CAMK1: variants seen among roughly 807,000 people sequenced by gnomAD.
CAMK1 encodes calcium/calmodulin-dependent protein kinase type 1.
A neutral mutation model predicts 49.1 loss-of-function variants in CAMK1; 39 were observed. The observed-to-expected ratio is 0.79, with a 90% CI of 0.62 to 1.04. The LOEUF (loss-of-function observed/expected upper bound fraction) is 1.04. Among genes scored for constraint, CAMK1 ranks in the 50% least tolerant of loss-of-function variants. The probability of loss-of-function intolerance (pLI) is 0.00; values close to 1 mark genes in which losing one functional copy is unlikely to be tolerated. For synonymous variants in CAMK1, 192 were observed against 185.2 expected (o/e 1.04, Z -0.30); for missense variants, 457 against 472.2 (o/e 0.97, Z 0.30).
chr3:9,759,052 C>T, intron 10 of CAMK1: 1 of 779,236 alleles, frequency 1.3e-6, no homozygotes, highest in Non-Finnish European at 2.3e-6. Flanking sequence ...GGCCCCTTAC[C>T]TGCTTCTCTA....
At chr3:9,758,953 A>C (rs562578215) in intron 10 of CAMK1, 1 of 504,834 alleles carries the variant, frequency 2.0e-6, no homozygotes, top group Admixed American at 3.2e-5. Flanking sequence ...CTATGCAGCA[A>C]ATACTTGCCT....
At chr3:9,767,855 C>G (rs1023639748) in intron 1 of CAMK1, 74 bp from the exon 2 acceptor site, 6 of 1,518,770 alleles carry the variant, frequency 4.0e-6, no homozygotes, top group African/African-American at 1.4e-5. Flanking sequence ...AGGCCCCATT[C>G]AGTCATTCAA....
At position 9,757,865 on chromosome 3, in the gene CAMK1, A is replaced by G. The variant is rs1156645869; in HGVS notation, c.913-19T>C. 1 of 1,592,948 alleles carries G rather than the reference A, an allele frequency of 6.3e-7. No individual in the cohort carries two copies. The highest frequency in any genetic ancestry group is 1.7e-5 in the Admixed American group (1 of 59,196). On this transcript the variant is annotated intron_variant, in intron 10 of 11. Coordinates refer to ENST00000256460, the MANE Select transcript of CAMK1 (RefSeq NM_003656.5). This position sits in a 1 kb window ranked among gnomAD's most constrained non-coding sequence, Gnocchi z 4.5. ...AGGCTTGCTGGCATTGAAGGCATTG[A>G]AGGGAGAGGGGAGAAAGGACTTTTG...
intron 1 of CAMK1, among the ~76,000 whole-genome samples, 197 bp downstream of exon 1, chr3:9,769,635 C>T (rs987238457): frequency 6.6e-6 from 1 of 152,228 alleles, no homozygotes; most frequent in Non-Finnish European, 1.5e-5. Flanking sequence ...ATTACCCACT[C>T]AGTGTCCCAT....
At chr3:9,763,100 G>A (rs757749887) in intron 4 of CAMK1, 39 bp downstream of exon 4, 1 of 1,614,154 alleles carries the variant, frequency 6.2e-7, no homozygotes, top group Non-Finnish European at 8.5e-7. Flanking sequence ...GGGACAGCTG[G>A]GAGAGGTGTG....
intron 2 of CAMK1, among the ~76,000 whole-genome samples, chr3:9,767,131 C>A (rs1448851670): frequency 6.6e-6 from 1 of 152,180 alleles, no homozygotes; most frequent in East Asian, 1.9e-4. Flanking sequence ...ACCTACCCAT[C>A]CTTCAGTCCC....
At chr3:9,766,395 CA>C (rs1263981982) in intron 2 of CAMK1, 2 of 569,490 alleles carry the variant, frequency 3.5e-6, no homozygotes, top group Non-Finnish European at 6.5e-6. Flanking sequence ...GCTAATTTAA[CA>C]CCCTTTAGAA....
At chr3:9,759,463 A>T (rs534136001) in intron 10 of CAMK1, 25 bp downstream of exon 10, 1 of 1,614,080 alleles carries the variant, frequency 6.2e-7, no homozygotes, top group African/African-American at 1.3e-5. Flanking sequence ...GGAGGCTGGG[A>T]CCAGAACTAG....
Position 9,760,649 on chromosome 3 carries a change from C to G in CAMK1, c.745+7G>C, listed in dbSNP as rs2077814843. On this transcript the variant is annotated splice_region_variant and intron_variant, in intron 8 of 11. Transcript: ENST00000256460. Reference sequence around the variant, plus strand: ...GGCCCAGGGGAAAAAAGCAAAGCCCCAAATACCAGAGTCAGAGATGTCGTC... The same window carrying G: ...GGCCCAGGGGAAAAAAGCAAAGCCCGAAATACCAGAGTCAGAGATGTCGTC... 3 of 1,613,780 alleles carry G rather than the reference C, an allele frequency of 1.9e-6. No homozygotes were observed. The East Asian group carries it at 6.7e-5, about 36-fold the overall frequency.
rs1295423049 is a variant in CAMK1 at position 9,759,862 on chromosome 3, A to G, written c.746-112T>C. 10 of 1,588,304 alleles carry G rather than the reference A, an allele frequency of 6.3e-6. No individual in the cohort carries two copies. The African/African-American group carries it at 1.2e-4, about 19-fold the overall frequency. On this transcript the variant is annotated intron_variant, in intron 8 of 11. Transcript: ENST00000256460. ...GCCTGGCATCAAGACAAAGAGGCCA[A>G]ATCAGTCCATGCCCCACCCCACCCA...
chr3:9,757,982 G>GC lies in CAMK1; in HGVS notation c.913-137dup, dbSNP rs899360263. ...GAGTTATTTTATTAATTCCCCTAAAGCCCCCCAAAAACCTCTACAAGGCTT... is the reference window on the plus strand; with the variant it reads ...GAGTTATTTTATTAATTCCCCTAAAGCCCCCCCAAAAACCTCTACAAGGCTT... On this transcript the variant is annotated intron_variant, in intron 10 of 11. Transcript: ENST00000256460. The surrounding 1 kb of genome is among the most constrained non-coding windows in gnomAD (Gnocchi z 4.5). 8 of 1,426,100 alleles carry GC rather than the reference G, an allele frequency of 5.6e-6. No individual in the cohort carries two copies. The highest frequency in any genetic ancestry group is 6.5e-6 in the Non-Finnish European group (7 of 1,081,192). 88.3% of individuals were successfully genotyped at this position (1,426,100 alleles called of 1,614,324 possible). A position where few individuals can be genotyped will look rare whatever the true frequency, so the allele number is the denominator to read the frequency against.
rs771276510 is a variant in CAMK1 at position 9,757,355 on chromosome 3, T to A, written c.*184A>T. 1.9e-5 allele frequency: 31 copies of A among 1,614,080 alleles called. 1 individual carries two copies. In the South Asian group the frequency reaches 3.4e-4, roughly 18 times the overall value. On this transcript the variant is annotated 3_prime_UTR_variant, in exon 12 of 12. Transcript: ENST00000256460. This position sits in a 1 kb window ranked among gnomAD's most constrained non-coding sequence, Gnocchi z 4.5. ...GGAGACAGCGCTAAGGATGGTTTTATCTTCCCTTTATTACAAGAAGGAACA... is the reference window on the plus strand; with the variant it reads ...GGAGACAGCGCTAAGGATGGTTTTAACTTCCCTTTATTACAAGAAGGAACA...
At chr3:9,761,898 G>A (rs914155532) in intron 5 of CAMK1, 141 bp from the exon 6 acceptor site, 3 of 1,379,834 alleles carry the variant, frequency 2.2e-6, no homozygotes, top group East Asian at 2.5e-5. Flanking sequence ...AGAAAATCAA[G>A]GAAGCTCTCA....
In CAMK1 at chr3:9,759,518, G is replaced by A. The variant is rs745947683; in HGVS notation, c.882C>T (p.Ile294=). The A allele has an allele frequency of 3.4e-5, 55 of 1,614,154 alleles. No individual in the cohort carries two copies. The Middle Eastern group carries it at 4.9e-4, about 15-fold the overall frequency. The change falls in exon 10 of 12, where the codon ATC becomes ATT. Residue 294 remains isoleucine (I), a synonymous_variant. Transcript: ENST00000256460. ...ACTTGCTCTTGGCAAAGTTCTTCTT[G>A]ATCTGCTCACTCACCGACTGGTGGA... is the stretch of plus-strand genomic sequence containing the variant. ...KNIHQSVSEQ[I]KKNFAKSKWK...
In CAMK1 at chr3:9,757,501, C is replaced by G; in HGVS notation, c.*38G>C. 6.2e-7 allele frequency: 1 copy of G among 1,605,192 alleles called. No homozygotes were observed. The highest frequency in any genetic ancestry group is 8.5e-7 in the Non-Finnish European group (1 of 1,173,882). ...GAAGGGGAGCAGGCTGCCCCCAAGC[C>G]CTCCCACGCAGAGGATCATGACCCG... On this transcript the variant is annotated 3_prime_UTR_variant, in exon 12 of 12. Transcript: ENST00000256460. The surrounding 1 kb of genome is among the most constrained non-coding windows in gnomAD (Gnocchi z 4.5).
At chr3:9,761,230 G>A (rs2077851914) in intron 7 of CAMK1, 1 of 478,830 alleles carries the variant, frequency 2.1e-6, no homozygotes, top group South Asian at 3.5e-5. Context: ...AGCTCCCTGA[G>A]GGCAGGCACT....
chr3:9,764,617 GTTT>G (rs202012854), intron 3 of CAMK1, among the ~76,000 whole-genome samples: 2,625 of 93,438 alleles, frequency 0.028, 104 homozygotes, highest in African/African-American at 0.094. Flanking sequence ...TGGCGTTTTT[GTTT>G]TTTTTTTGTT....
intron 7 of CAMK1, 111 bp from the exon 8 acceptor site, chr3:9,760,879 C>G (rs2125574719): frequency 6.7e-7 from 1 of 1,482,362 alleles, no homozygotes; most frequent in Non-Finnish European, 9.1e-7. Context: ...GGAGTTCCCC[C>G]TTTATAAACT....
At chr3:9,767,949 C>G in intron 1 of CAMK1, 168 bp from the exon 2 acceptor site, 1 of 710,916 alleles carries the variant, frequency 1.4e-6, no homozygotes, top group Non-Finnish European at 1.7e-6. Flanking sequence ...TCAGCAAATT[C>G]TCATGCCTAG....
Sources: allele counts gnomAD v4.1 joint callset (sites outside exome capture counted in the v4.1 genomes callset), GRCh38; gene constraint gnomAD v4.1.1; non-coding constraint Gnocchi (gnomAD v3.1); transcripts MANE v1.5; gene names NCBI Gene and HGNC (gene_info 2026-07-23, HGNC 2026-07-21).